Variants in WWOX observed in about 807,000 individuals in gnomAD.
WWOX encodes WW domain-containing oxidoreductase.
WWOX carries 69 observed loss-of-function variants against 46.2 expected under a neutral mutation model. That is an observed-to-expected ratio of 1.49 (90% confidence interval 1.23 to 1.82). The LOEUF is 1.82. Ranked by LOEUF, WWOX falls within the 40% of genes most tolerant of loss-of-function variation. WWOX has a pLI of 0.00. For synonymous variants in WWOX, 359 were observed against 202.6 expected (o/e 1.77, Z -6.56); for missense variants, 919 against 542.6 (o/e 1.69, Z -6.89).
rs528870322 is a variant in WWOX, at chr16:78,456,995, A to G, written c.1056+24243A>G. 7.9e-5 allele frequency among the ~76,000 whole-genome samples: 12 copies of G among 152,342 alleles called. No individual in the cohort carries two copies. The South Asian group carries it at 2.5e-3, about 32-fold the overall frequency. ...GTGGGCTGGCAGCATTTTTGCTAAC[A>G]CTGCCTTAAATGATGCTACTGGCAG... On this transcript the variant is annotated intron_variant, in intron 8 of 8. Transcript: ENST00000566780.
At chr16:78,875,710 G>A (rs1266580642) in intron 8 of WWOX, among the ~76,000 whole-genome samples, 2 of 152,160 alleles carry the variant, frequency 1.3e-5, no homozygotes, top group Admixed American at 6.5e-5. Context: ...AGCCACAGTG[G>A]CAATTTCCTA....
chr16:78,144,470 T>TATATATATATATATATATATATAC (rs2034113314), intron 4 of WWOX, among the ~76,000 whole-genome samples: 1 of 26,614 alleles, frequency 3.8e-5, no homozygotes, highest in Non-Finnish European at 6.5e-5. Context: ...TATACACACA[T>TATATATATATATATATATATATAC]ATATATATAT....
At chr16:78,150,835 TAA>T (rs1873855564) in intron 4 of WWOX, among the ~76,000 whole-genome samples, 1 of 152,090 alleles carries the variant, frequency 6.6e-6, no homozygotes, top group African/African-American at 2.4e-5. Flanking sequence ...TTGTGAATAA[TAA>T]AAGACTCTCC....
chr16:79,151,205 C>T (rs561853498), intron 8 of WWOX, among the ~76,000 whole-genome samples: 3 of 152,334 alleles, frequency 2.0e-5, no homozygotes, highest in African/African-American at 7.2e-5. Flanking sequence ...TCTTAAACAG[C>T]CAGCTATTCT....
intron 8 of WWOX, among the ~76,000 whole-genome samples, chr16:79,181,247 C>T (rs74036975): frequency 0.051 from 7,686 of 152,180 alleles, 658 homozygotes; most frequent in African/African-American, 0.18. Context: ...TCAAGACATA[C>T]GGAACACGTA....
At chr16:78,261,674 G>C (rs2079236053) in intron 5 of WWOX, among the ~76,000 whole-genome samples, 1 of 149,354 alleles carries the variant, frequency 6.7e-6, no homozygotes, top group Non-Finnish European at 1.5e-5. Context: ...TCAGATCTCA[G>C]CTTGAGGCTC....
intron 8 of WWOX, among the ~76,000 whole-genome samples, chr16:78,916,849 G>A (rs543904415): frequency 6.6e-6 from 1 of 152,302 alleles, no homozygotes; most frequent in South Asian, 2.1e-4. Flanking sequence ...CCTTTCGATA[G>A]CAAGTAGAAG....
At chr16:78,150,164 G>T (rs1168159199) in intron 4 of WWOX, among the ~76,000 whole-genome samples, 1 of 152,120 alleles carries the variant, frequency 6.6e-6, no homozygotes, top group Non-Finnish European at 1.5e-5. Flanking sequence ...TTGATAATTT[G>T]CTATAATGGC....
At chr16:79,128,228 A>G (rs1437690021) in intron 8 of WWOX, among the ~76,000 whole-genome samples, 1 of 152,318 alleles carries the variant, frequency 6.6e-6, no homozygotes, top group East Asian at 1.9e-4. Flanking sequence ...GTTTGTGGCA[A>G]TGTCACTTAC....
intron 8 of WWOX, among the ~76,000 whole-genome samples, chr16:78,945,030 A>C (rs755317557): frequency 6.6e-6 from 1 of 151,960 alleles, no homozygotes; most frequent in Non-Finnish European, 1.5e-5. Context: ...AATATAGAAC[A>C]TTAGCTGGGC....
intron 8 of WWOX, among the ~76,000 whole-genome samples, chr16:78,664,704 G>A (rs2047290629): frequency 6.6e-6 from 1 of 152,196 alleles, no homozygotes; most frequent in South Asian, 2.1e-4. Context: ...TAGAAACTCT[G>A]TGTGCCCATC....
intron 8 of WWOX, chr16:78,495,789 T>A (rs2084903671): frequency 6.6e-6 from 1 of 152,272 alleles, no homozygotes; most frequent in Non-Finnish European, 1.5e-5. Context: ...ATTATAGGTG[T>A]GGGCCACTGT....
chr16:78,480,676 C>T (rs780104967), intron 8 of WWOX, among the ~76,000 whole-genome samples: 31 of 152,222 alleles, frequency 2.0e-4, no homozygotes, highest in Admixed American at 2.0e-3. Context: ...CACAGGTACC[C>T]TCTCCAGTCC....
intron 8 of WWOX, among the ~76,000 whole-genome samples, chr16:78,874,594 G>C (rs1015400483): frequency 3.3e-5 from 5 of 151,532 alleles, no homozygotes; most frequent in African/African-American, 1.2e-4. Context: ...TACAGATTCT[G>C]ATGGCAAGTG....
intron 8 of WWOX, among the ~76,000 whole-genome samples, chr16:78,507,779 C>T (rs530987569): frequency 6.6e-6 from 1 of 152,108 alleles, no homozygotes; most frequent in East Asian, 1.9e-4. Flanking sequence ...CAGAGCCATT[C>T]TCAGCATCCT....
chr16:78,849,063 A>T (rs1248406412), intron 8 of WWOX, among the ~76,000 whole-genome samples: 1 of 152,156 alleles, frequency 6.6e-6, no homozygotes, highest in African/African-American at 2.4e-5. Context: ...ATCACTGTTG[A>T]CAATCTTGCC....
At chr16:78,477,131 G>C (rs2084370396) in intron 8 of WWOX, among the ~76,000 whole-genome samples, 1 of 152,110 alleles carries the variant, frequency 6.6e-6, no homozygotes, top group Non-Finnish European at 1.5e-5. Context: ...ATATTCCATA[G>C]CACGTCTTAC....
chr16:78,480,907 A>G (rs2084468879), intron 8 of WWOX, among the ~76,000 whole-genome samples: 1 of 152,236 alleles, frequency 6.6e-6, no homozygotes, highest in African/African-American at 2.4e-5. Flanking sequence ...ACTTACAAAC[A>G]TTTGTGCAAA....
At chr16:78,316,803 C>T (rs956316597) in intron 5 of WWOX, among the ~76,000 whole-genome samples, 2 of 152,150 alleles carry the variant, frequency 1.3e-5, no homozygotes, top group Admixed American at 6.5e-5. Context: ...AGACTGCTAG[C>T]TCTAGTATTT....
Sources: allele counts gnomAD v4.1 joint callset (sites outside exome capture counted in the v4.1 genomes callset), GRCh38; gene constraint gnomAD v4.1.1; transcripts MANE v1.5; gene names NCBI Gene and HGNC (gene_info 2026-07-23, HGNC 2026-07-21).